Variants in PSD3 observed in about 807,000 individuals in gnomAD.
PSD3 encodes pleckstrin and Sec7 domain containing 3, also known as PH and SEC7 domain-containing protein 3.
PSD3 carries 49 observed loss-of-function variants against 105.5 expected under a neutral mutation model. That is an observed-to-expected ratio of 0.46 (90% CI 0.37 to 0.59). The LOEUF (loss-of-function observed/expected upper bound fraction) is 0.59, where lower values mean the gene tolerates loss of function less well. Ranked by LOEUF, PSD3 falls within the 20% of genes least tolerant of loss-of-function variation. The probability of loss-of-function intolerance (pLI) is 0.00; values close to 1 mark genes in which losing one functional copy is unlikely to be tolerated. For missense variants in PSD3, 1,561 were observed against 1,263.8 expected (o/e 1.24, Z -3.57); for synonymous variants, 557 against 457.8 (o/e 1.22, Z -2.77).
At chr8:18,805,917 C>T (rs1351860032) in intron 4 of PSD3, among the ~76,000 whole-genome samples, 3 of 152,094 alleles carry the variant, frequency 2.0e-5, no homozygotes, top group African/African-American at 7.2e-5. Context: ...AAAATGTTTG[C>T]CAATAACCAT....
rs373031906 is a variant in PSD3 at position 18,822,283 on chromosome 8, T to A, written c.1635-17385A>T. 7.8e-4 allele frequency among the ~76,000 whole-genome samples: 119 copies of A among 152,246 alleles called. 2 individuals carry two copies. The South Asian group carries it at 0.024, about 31-fold the overall frequency. On this transcript the variant is annotated intron_variant, in intron 4 of 15. Transcript: ENST00000327040. ...AGAAATATCCTAAGAAGAAGTATGA[T>A]GCATAGCCCTAAATAAAGTCTGTCC... is the stretch of plus-strand genomic sequence containing the variant.
chr8:18,958,442 A>G (rs959214849), intron 1 of PSD3, among the ~76,000 whole-genome samples: 1 of 152,250 alleles, frequency 6.6e-6, no homozygotes, highest in South Asian at 2.1e-4. Flanking sequence ...GGGAATATCT[A>G]TTTATTTACT....
At chr8:18,985,316 G>A (rs1225155311) in intron 1 of PSD3, among the ~76,000 whole-genome samples, 2 of 152,090 alleles carry the variant, frequency 1.3e-5, no homozygotes, top group Non-Finnish European at 2.9e-5. Context: ...GTAAAATTAT[G>A]AGCCTTTGGA....
At chr8:18,550,706 G>C (rs1194272978) in intron 15 of PSD3, among the ~76,000 whole-genome samples, 1 of 152,054 alleles carries the variant, frequency 6.6e-6, no homozygotes, top group Non-Finnish European at 1.5e-5. Context: ...TGTACTGAAA[G>C]CATACCACTT....
At chr8:18,920,680 A>G (rs928554712) in intron 2 of PSD3, among the ~76,000 whole-genome samples, 7 of 152,190 alleles carry the variant, frequency 4.6e-5, no homozygotes, top group African/African-American at 1.2e-4. Flanking sequence ...TTTCTCCTAC[A>G]TGAATGTCCA....
chr8:19,052,690 A>G (rs1828574179), intron 1 of PSD3, among the ~76,000 whole-genome samples: 1 of 152,226 alleles, frequency 6.6e-6, no homozygotes, highest in East Asian at 1.9e-4. Context: ...CGGTAATATC[A>G]GAATGGGTCA....
chr8:18,594,457 T>G (rs558933483), intron 12 of PSD3, among the ~76,000 whole-genome samples: 1 of 128,592 alleles, frequency 7.8e-6, no homozygotes, highest in African/African-American at 3.0e-5. Context: ...TTATATATTA[T>G]ATTATATATA....
At chr8:18,575,338 T>A in intron 12 of PSD3, 53 bp from the exon 13 acceptor site, 1 of 1,443,878 alleles carries the variant, frequency 6.9e-7, no homozygotes, top group Non-Finnish European at 9.2e-7. Flanking sequence ...AGATTTCAAC[T>A]TAATTTTTTA....
intron 10 of PSD3, among the ~76,000 whole-genome samples, chr8:18,644,247 T>C (rs1454977529): frequency 6.6e-6 from 1 of 152,240 alleles, no homozygotes; most frequent in Admixed American, 6.5e-5. Context: ...CTGAACATTT[T>C]CAAAATCTTT....
At chr8:18,774,643 G>A (rs1807862786) in intron 8 of PSD3, 3 of 376,104 alleles carry the variant, frequency 8.0e-6, no homozygotes, top group Non-Finnish European at 1.5e-5. Context: ...TTCAGCCAGT[G>A]GCACATGATA....
chr8:18,823,127 A>T (rs955425103), intron 4 of PSD3, among the ~76,000 whole-genome samples: 13 of 152,086 alleles, frequency 8.5e-5, no homozygotes, highest in South Asian at 6.2e-4. Flanking sequence ...TTATCACTTC[A>T]ATAACTAGAA....
chr8:19,031,512 T>C (rs538736552), intron 1 of PSD3, among the ~76,000 whole-genome samples: 4 of 152,178 alleles, frequency 2.6e-5, no homozygotes, highest in African/African-American at 9.7e-5. Context: ...TAATATTTTC[T>C]GTTGAGCTGA....
chr8:18,951,568 AG>A (rs1823237095), intron 1 of PSD3, among the ~76,000 whole-genome samples: 1 of 152,206 alleles, frequency 6.6e-6, no homozygotes, highest in East Asian at 1.9e-4. Flanking sequence ...TGGCTTCTTG[AG>A]GGTATTTTAC....
At chr8:18,990,837 A>G (rs1350853173) in intron 1 of PSD3, among the ~76,000 whole-genome samples, 1 of 152,208 alleles carries the variant, frequency 6.6e-6, no homozygotes, top group African/African-American at 2.4e-5. Context: ...AGATCAACCA[A>G]GCTGCAGTGT....
At chr8:18,838,748 G>A (rs1247256717) in intron 4 of PSD3, among the ~76,000 whole-genome samples, 1 of 150,910 alleles carries the variant, frequency 6.6e-6, no homozygotes, top group Non-Finnish European at 1.5e-5. Flanking sequence ...CTTGCAGTGA[G>A]CCGCGACAGC....
intron 4 of PSD3, among the ~76,000 whole-genome samples, chr8:18,831,263 C>A (rs1351142766): frequency 6.6e-6 from 1 of 152,226 alleles, no homozygotes; most frequent in African/African-American, 2.4e-5. Flanking sequence ...CACCCTTCTG[C>A]AGCTCTAGAA....
chr8:18,719,633 T>C (rs1244956337), intron 9 of PSD3, among the ~76,000 whole-genome samples: 2 of 152,236 alleles, frequency 1.3e-5, no homozygotes, highest in East Asian at 3.9e-4. Flanking sequence ...TGCACAACTA[T>C]TCTTGAACAT....
intron 11 of PSD3, among the ~76,000 whole-genome samples, chr8:18,611,172 G>A (rs1805234462): frequency 6.6e-6 from 1 of 151,128 alleles, no homozygotes; most frequent in Admixed American, 6.6e-5. Context: ...CAAGGAGGAG[G>A]TCATTAATTC....
At chr8:19,038,946 A>G (rs1189362539) in intron 1 of PSD3, among the ~76,000 whole-genome samples, 1 of 152,218 alleles carries the variant, frequency 6.6e-6, no homozygotes, top group African/African-American at 2.4e-5. Flanking sequence ...ATCTTGCCCA[A>G]GGACAGACAG....
Sources: allele counts gnomAD v4.1 joint callset (sites outside exome capture counted in the v4.1 genomes callset), GRCh38; gene constraint gnomAD v4.1.1; transcripts MANE v1.5; gene names NCBI Gene and HGNC (gene_info 2026-07-23, HGNC 2026-07-21).